Variants in ULK4 observed in about 807,000 individuals in gnomAD.
ULK4 encodes inactive serine/threonine-protein kinase ULK4.
ULK4 carries 133 observed loss-of-function variants against 160.6 expected under a neutral mutation model. The ratio of observed to expected loss-of-function variants is 0.83; its 90% CI spans 0.72 to 0.96. The LOEUF (loss-of-function observed/expected upper bound fraction) is 0.96. Ranked by LOEUF, ULK4 falls within the 40% of genes least tolerant of loss-of-function variation. The probability of loss-of-function intolerance (pLI) is 0.00; values close to 1 mark genes in which losing one functional copy is unlikely to be tolerated. For synonymous variants in ULK4, 534 were observed against 539.8 expected, an observed-to-expected ratio of 0.99 and a Z score of 0.15; for missense variants, 1,580 against 1,499.5, an observed-to-expected ratio of 1.05 and a Z score of -0.89.
chr3:41,358,013 C>T (rs1021943313), intron 35 of ULK4, among the ~76,000 whole-genome samples: 2 of 152,190 alleles, frequency 1.3e-5, no homozygotes, highest in Admixed American at 6.5e-5. Context: ...GGTTAAGTGA[C>T]CTCTCTAAGG....
intron 35 of ULK4, among the ~76,000 whole-genome samples, chr3:41,321,695 TG>T (rs1208179840): frequency 8.6e-6 from 1 of 115,816 alleles, no homozygotes; most frequent in Non-Finnish European, 1.8e-5. Flanking sequence ...GGCTCAAGCA[TG>T]TGCACTAAGA....
intron 32 of ULK4, among the ~76,000 whole-genome samples, chr3:41,500,168 T>C (rs1180495236): frequency 6.6e-6 from 1 of 152,046 alleles, no homozygotes; most frequent in Non-Finnish European, 1.5e-5. Context: ...TTAATGAACT[T>C]TCTGCTTCAT....
At chr3:41,641,924 G>A (rs1046752834) in intron 30 of ULK4, among the ~76,000 whole-genome samples, 1 of 149,292 alleles carries the variant, frequency 6.7e-6, no homozygotes, top group Admixed American at 6.7e-5. Flanking sequence ...TGCCCAGGCT[G>A]GAGTGCAATG....
At chr3:41,794,753 GC>G (rs1474433486) in intron 20 of ULK4, among the ~76,000 whole-genome samples, 1 of 151,284 alleles carries the variant, frequency 6.6e-6, no homozygotes, top group Non-Finnish European at 1.5e-5. Flanking sequence ...TTCATTAGAG[GC>G]GAGAGAGCAG....
At chr3:41,936,326 T>C (rs868098374) in intron 3 of ULK4, among the ~76,000 whole-genome samples, 3 of 152,174 alleles carry the variant, frequency 2.0e-5, no homozygotes, top group Non-Finnish European at 2.9e-5. Flanking sequence ...TGCAAAGTAC[T>C]GCATGGCAAA....
At chr3:41,354,790 G>GTATTCAT (rs773630623) in intron 35 of ULK4, among the ~76,000 whole-genome samples, 3 of 152,200 alleles carry the variant, frequency 2.0e-5, no homozygotes, top group Non-Finnish European at 2.9e-5. Flanking sequence ...TTACAAATCT[G>GTATTCAT]TATTCATTAC....
chr3:41,279,388 A>G (rs537898209), intron 35 of ULK4, among the ~76,000 whole-genome samples: 1 of 152,304 alleles, frequency 6.6e-6, no homozygotes, highest in South Asian at 2.1e-4. Context: ...AAAACTCTTC[A>G]GGATATTATC....
At chr3:41,918,949 T>C (rs1212732286) in intron 6 of ULK4, among the ~76,000 whole-genome samples, 1 of 152,182 alleles carries the variant, frequency 6.6e-6, no homozygotes, top group African/African-American at 2.4e-5. Context: ...TTCAAGATTA[T>C]ACAACTTATA....
At chr3:41,511,874 T>TA (rs574013614) in intron 32 of ULK4, among the ~76,000 whole-genome samples, 63 of 151,924 alleles carry the variant, frequency 4.1e-4, no homozygotes, top group African/African-American at 1.2e-3. Flanking sequence ...TGAACACAGA[T>TA]AAAAAAATCC....
At chr3:41,558,816 T>G (rs1044148166) in intron 32 of ULK4, among the ~76,000 whole-genome samples, 9 of 152,058 alleles carry the variant, frequency 5.9e-5, no homozygotes, top group Admixed American at 4.6e-4. Flanking sequence ...GTGACAGATT[T>G]TATCCCAAGT....
At chr3:41,262,931 GGCAAAAAATTA>G in intron 35 of ULK4, among the ~76,000 whole-genome samples, 1 of 151,878 alleles carries the variant, frequency 6.6e-6, no homozygotes, top group Non-Finnish European at 1.5e-5. Flanking sequence ...AGTTTTAATT[GGCAAAAAATTA>G]TGATGTGGAC....
At chr3:41,353,068 T>C (rs149819585) in intron 35 of ULK4, among the ~76,000 whole-genome samples, 71 of 152,336 alleles carry the variant, frequency 4.7e-4, no homozygotes, top group African/African-American at 1.7e-3. Context: ...CCTTCCTTTC[T>C]GGACTTGGGA....
intron 32 of ULK4, among the ~76,000 whole-genome samples, chr3:41,547,688 A>G (rs1159344495): frequency 6.6e-6 from 1 of 152,082 alleles, no homozygotes; most frequent in Non-Finnish European, 1.5e-5. Flanking sequence ...AGCTCCCACC[A>G]TACTGCATTC....
At chr3:41,905,572 G>A (rs376144485) in intron 12 of ULK4, among the ~76,000 whole-genome samples, 1 of 151,978 alleles carries the variant, frequency 6.6e-6, no homozygotes, top group African/African-American at 2.4e-5. Context: ...GAAAAAGGGA[G>A]AAAATTGTTA....
Position 41,533,257 on chromosome 3 carries a change from C to G in ULK4, c.3226+32768G>C, listed in dbSNP as rs1056274569. Among the ~76,000 whole-genome samples, 3 of 152,106 alleles carry G rather than the reference C, an allele frequency of 2.0e-5. No individual in the cohort carries two copies. The East Asian group carries it at 5.8e-4, about 29-fold the overall frequency. Reference sequence around the variant, plus strand: ...TGAGCAAATATGTGTTATTTTAAGTCGCTTAGCTTTGGATGGTTTATTATG... The same window carrying G: ...TGAGCAAATATGTGTTATTTTAAGTGGCTTAGCTTTGGATGGTTTATTATG... On this transcript the variant is annotated intron_variant, in intron 32 of 36. Coordinates refer to ENST00000301831, the MANE Select transcript of ULK4 (RefSeq NM_017886.4).
intron 35 of ULK4, among the ~76,000 whole-genome samples, chr3:41,394,011 G>T (rs2082006493): frequency 1.3e-5 from 2 of 152,144 alleles, no homozygotes; most frequent in South Asian, 2.1e-4. Context: ...CACTGGAGCT[G>T]ATCTCCAGGG....
intron 21 of ULK4, among the ~76,000 whole-genome samples, chr3:41,758,827 C>T (rs549542722): frequency 1.2e-3 from 176 of 150,962 alleles, no homozygotes; most frequent in Non-Finnish European, 2.0e-3. Context: ...GAGCCAAGAT[C>T]GCGCCACTGC....
intron 32 of ULK4, among the ~76,000 whole-genome samples, chr3:41,509,617 A>T (rs903359343): frequency 6.6e-6 from 1 of 152,206 alleles, no homozygotes; most frequent in African/African-American, 2.4e-5. Context: ...TTACAGTAAC[A>T]ACAGATTTAT....
intron 36 of ULK4, among the ~76,000 whole-genome samples, chr3:41,248,843 C>T (rs901573384): frequency 1.1e-4 from 17 of 152,226 alleles, no homozygotes; most frequent in Non-Finnish European, 2.9e-5. Context: ...ATGTAACATG[C>T]TCCTGGGTGA....
Sources: gnomAD v4.1 joint callset for allele counts (sites outside exome capture counted in the v4.1 genomes callset) on GRCh38, gnomAD v4.1.1 for gene constraint, MANE v1.5 for transcripts, NCBI Gene and HGNC (gene_info 2026-07-23, HGNC 2026-07-21) for gene names.